TRIM2: variants seen among roughly 807,000 people sequenced by gnomAD.
TRIM2 encodes tripartite motif containing 2, also known as tripartite motif-containing protein 2.
A neutral mutation model predicts 75.2 loss-of-function variants in TRIM2; 20 were observed. The observed-to-expected ratio is 0.27, with a 90% confidence interval of 0.19 to 0.39. The LOEUF is 0.39. TRIM2 is among the 10% of genes least tolerant of loss of function. The pLI, the probability that TRIM2 is intolerant of heterozygous loss-of-function variation, is 1.00. For synonymous variants in TRIM2, 373 were observed against 388.3 expected, an observed-to-expected ratio of 0.96 and a Z score of 0.46; for missense variants, 660 against 990.8, an observed-to-expected ratio of 0.67 and a Z score of 4.48.
chr4:153,212,719 C>A (rs1300071381), intron 1 of TRIM2, among the ~76,000 whole-genome samples: 1 of 152,084 alleles, frequency 6.6e-6, no homozygotes, highest in African/African-American at 2.4e-5. Context: ...TTTAGGAAAG[C>A]CTTTTCAGCT....
rs534136262 is a variant in TRIM2 at position 153,235,774 on chromosome 4, T to G, written c.30+31214T>G. Among the ~76,000 whole-genome samples, 12 of 152,330 alleles carry G rather than the reference T, an allele frequency of 7.9e-5. No homozygotes were observed. The South Asian group carries it at 1.0e-3, about 13-fold the overall frequency. Reference sequence around the variant, plus strand: ...TTGCAGTTTTGCACCAGCTATTCCTTCTGATCAGATTACCTTTTCCACACT... The same window carrying G: ...TTGCAGTTTTGCACCAGCTATTCCTGCTGATCAGATTACCTTTTCCACACT... On this transcript the variant is annotated intron_variant, in intron 1 of 11. Coordinates refer to ENST00000338700, the MANE Select transcript of TRIM2 (RefSeq NM_015271.5).
In TRIM2 at chr4:153,195,094, G is replaced by T. The variant is rs149163377; in HGVS notation, c.-49+41824G>T. Among the ~76,000 whole-genome samples the T allele has an allele frequency of 1.1e-3, 171 of 152,296 alleles. 1 individual carries two copies. Among genetic ancestry groups the T allele is most frequent in the African/African-American group, 4.0e-3 (166 of 41,568 alleles). ...AGGATGTCAAGATAAAAATCATCCT[G>T]GATTAGGGTGGGCCTTAAATCCAAT... On this transcript the variant is annotated intron_variant, in intron 1 of 11. Coordinates refer to the TRIM2 transcript ENST00000437508.
chr4:153,292,728 G>C (rs1353398144), intron 3 of TRIM2, among the ~76,000 whole-genome samples: 3 of 152,216 alleles, frequency 2.0e-5, no homozygotes, highest in African/African-American at 7.2e-5. Flanking sequence ...GCCCTATACT[G>C]TACTGCCTTG....
intron 1 of TRIM2, among the ~76,000 whole-genome samples, chr4:153,198,977 T>C (rs1184052553): frequency 6.6e-6 from 1 of 152,250 alleles, no homozygotes; most frequent in Non-Finnish European, 1.5e-5. Flanking sequence ...CATAATCTAA[T>C]GGTTCGAAAT....
chr4:153,152,783 C>T (rs184435164), upstream of TRIM2, among the ~76,000 whole-genome samples: 2 of 152,038 alleles, frequency 1.3e-5, no homozygotes, highest in Non-Finnish European at 2.9e-5. Context: ...TGCGAAAGAG[C>T]CTTTTGCATT....
At position 153,338,181 on chromosome 4, in the gene TRIM2, A is replaced by C. The variant is rs763841988; in HGVS notation, c.*3215A>C. 378 of 985,796 alleles carry C rather than the reference A, an allele frequency of 3.8e-4. No individual in the cohort carries two copies. The highest frequency in any genetic ancestry group is 4.5e-4 in the Non-Finnish European group (371 of 829,952). 61.1% of individuals were successfully genotyped at this position (985,796 alleles called of 1,614,324 possible). On this transcript the variant is annotated 3_prime_UTR_variant, in exon 12 of 12. Transcript: ENST00000338700. The stretch of plus-strand genomic sequence containing the variant: ...ATGTCCTAACATGGAGTTAACTGGA[A>C]TAGCAGTACACTAGCAAGTATCTGT...
At chr4:153,324,349 A>G (rs1769676652) in intron 10 of TRIM2, 2 of 397,770 alleles carry the variant, frequency 5.0e-6, no homozygotes. Flanking sequence ...TGTGGTGGCA[A>G]TAAGTTGCTT....
chr4:153,291,699 G>A (rs1016872804), intron 3 of TRIM2, among the ~76,000 whole-genome samples: 4 of 152,050 alleles, frequency 2.6e-5, no homozygotes, highest in East Asian at 1.9e-4. Context: ...CTGAAAGTTC[G>A]TCATTGTCAG....
intron 6 of TRIM2, among the ~76,000 whole-genome samples, 181 bp from the exon 7 acceptor site, chr4:153,315,302 CAG>C (rs1561001072): frequency 1.3e-5 from 2 of 152,178 alleles, no homozygotes; most frequent in African/African-American, 4.8e-5. Context: ...AGACTGTTGT[CAG>C]GAAGAGAGGT....
intron 1 of TRIM2, among the ~76,000 whole-genome samples, chr4:153,215,590 T>G (rs1416121619): frequency 6.6e-6 from 1 of 152,200 alleles, no homozygotes; most frequent in African/African-American, 2.4e-5. Flanking sequence ...TTTTACCCTG[T>G]TACTATCCCT....
intron 1 of TRIM2, among the ~76,000 whole-genome samples, chr4:153,161,881 C>T (rs1729771849): frequency 6.6e-6 from 1 of 152,142 alleles, no homozygotes; most frequent in Admixed American, 6.6e-5. Context: ...CATAAAGTTG[C>T]AATATTTCAC....
chr4:153,276,030 A>T lies in TRIM2; in HGVS notation c.353A>T (p.Gln118Leu). 6.2e-7 allele frequency: 1 copy of T among 1,614,212 alleles called. No individual in the cohort carries two copies. Among genetic ancestry groups the T allele is most frequent in the African/African-American group, 1.3e-5 (1 of 75,042 alleles). The part of the protein sequence containing the change: ...FFITNLMDVL[Q>L]RTPGSNAEES... ...ATCACAAACCTGATGGACGTGCTGC[A>T]GCGAACTCCAGGCAGCAACGCTGAG... Residue 118 changes from glutamine to leucine, a missense_variant, in exon 3 of 12, where the codon CAG (glutamine) becomes CTG (leucine). Coordinates refer to ENST00000338700, the MANE Select transcript of TRIM2 (RefSeq NM_015271.5).
intron 2 of TRIM2, among the ~76,000 whole-genome samples, chr4:153,273,270 C>CATTTTTTTTTTTT (rs1757187818): frequency 1.2e-4 from 7 of 57,390 alleles, no homozygotes; most frequent in African/African-American, 4.9e-4. Flanking sequence ...TACAGTCACT[C>CATTTTTTTTTTTT]TTTTTTTTTT....
chr4:153,204,809 A>G lies in TRIM2; in HGVS notation c.30+249A>G, dbSNP rs530001693. Among the ~76,000 whole-genome samples, 3 of 152,222 alleles carry G rather than the reference A, an allele frequency of 2.0e-5. No homozygotes were observed. The South Asian group carries it at 6.2e-4, about 32-fold the overall frequency. On this transcript the variant is annotated intron_variant, in intron 1 of 11. Coordinates refer to ENST00000338700, the MANE Select transcript of TRIM2 (RefSeq NM_015271.5). ...CAGCTGGATTTGACACCAAAGCAAC[A>G]TGAATGTGGCAAAGCATAAGGCCAG...
At chr4:153,297,439 C>CA (rs1762999697) in intron 6 of TRIM2, among the ~76,000 whole-genome samples, 1 of 152,104 alleles carries the variant, frequency 6.6e-6, no homozygotes, top group Non-Finnish European at 1.5e-5. Context: ...AATGAAAATG[C>CA]AAAAATATCT....
intron 1 of TRIM2, among the ~76,000 whole-genome samples, chr4:153,264,743 T>C (rs1260885381): frequency 6.6e-6 from 1 of 152,230 alleles, no homozygotes; most frequent in Non-Finnish European, 1.5e-5. Context: ...TCAGTTCTTC[T>C]GAGCACATTG....
At chr4:153,232,710 G>T (rs777786546) in intron 1 of TRIM2, among the ~76,000 whole-genome samples, 3 of 152,200 alleles carry the variant, frequency 2.0e-5, no homozygotes, top group Non-Finnish European at 4.4e-5. Flanking sequence ...GAGTTGAAAA[G>T]ATTTAAGTAG....
chr4:153,195,930 C>T (rs1228470539), intron 1 of TRIM2, among the ~76,000 whole-genome samples: 10 of 152,160 alleles, frequency 6.6e-5, no homozygotes, highest in Non-Finnish European at 1.5e-4. Flanking sequence ...TGATGCCTGT[C>T]TCCCAAGTAG....
chr4:153,249,796 A>G (rs1289268853), intron 1 of TRIM2, among the ~76,000 whole-genome samples: 23 of 152,256 alleles, frequency 1.5e-4, no homozygotes, highest in Admixed American at 1.5e-3. Context: ...TGTTAAAATG[A>G]GAAGTGTGGT....
Sources: allele counts gnomAD v4.1 joint callset (sites outside exome capture counted in the v4.1 genomes callset), GRCh38; gene constraint gnomAD v4.1.1; transcripts MANE v1.5; gene names NCBI Gene and HGNC (gene_info 2026-07-23, HGNC 2026-07-21).